Variants in POSTN observed in about 807,000 individuals in gnomAD.
POSTN encodes the protein periostin, also known as osteoblast specific factor 2 (fasciclin I-like).
A neutral mutation model predicts 104.5 loss-of-function variants in POSTN; 71 were observed. That is an observed-to-expected ratio of 0.68 (90% CI 0.56 to 0.83). The LOEUF (loss-of-function observed/expected upper bound fraction) is 0.83, where lower values mean the gene tolerates loss of function less well. Ranked by LOEUF, POSTN falls within the 40% of genes least tolerant of loss-of-function variation. The pLI is 0.00. For synonymous variants in POSTN, 355 were observed against 340.7 expected (o/e 1.04, Z -0.46); for missense variants, 949 against 1,006.8 (o/e 0.94, Z 0.78).
chr13:37,574,687 T>C, intron 16 of POSTN, 35 bp from the exon 17 acceptor site: 2 of 1,554,300 alleles, frequency 1.3e-6, no homozygotes, highest in Non-Finnish European at 8.6e-7. Flanking sequence ...GAAAAATATT[T>C]ACATAAAAAC....
rs1273903955 is a variant in POSTN, at chr13:37,587,973, C to T, written c.455G>A (p.Gly152Asp). ...WDNLDSDIRR[G>D]LESNVNVELL... ...TTCAACATTCACGTTGCTCTCCAAA[C>T]CTCTACGGATATCCTAGGAAAAATT... The change falls in exon 5 of 23, where the codon GGT becomes GAT. Residue 152 changes from glycine to aspartate, a missense_variant. By Grantham distance (94) the Gly-to-Asp change is moderately conservative (BLOSUM62 -1). Transcript: ENST00000379747. 1.4e-5 allele frequency: 23 copies of T among 1,595,844 alleles called. No individual in the cohort carries two copies. The highest frequency in any genetic ancestry group is 2.7e-5 in the African/African-American group (2 of 74,426).
At chr13:37,583,439 T>G (rs1950656988) in intron 9 of POSTN, among the ~76,000 whole-genome samples, 1 of 136,072 alleles carries the variant, frequency 7.3e-6, no homozygotes, top group South Asian at 2.5e-4. Context: ...TTTTTTTAAG[T>G]TTCGTTTTTT....
intron 21 of POSTN, chr13:37,565,274 T>A (rs1206621595): frequency 3.3e-5 from 5 of 152,030 alleles, no homozygotes; most frequent in Non-Finnish European, 7.4e-5. Flanking sequence ...ATTTTCCTGT[T>A]TTTCTTTTAG....
intron 21 of POSTN, 98 bp downstream of exon 21, chr13:37,569,202 A>T: frequency 1.3e-6 from 1 of 765,636 alleles, no homozygotes; most frequent in Non-Finnish European, 2.1e-6. Context: ...TTTTTTTTTA[A>T]CCCAATTAAA....
In POSTN at chr13:37,579,722, C is replaced by T. The variant is rs143665181; in HGVS notation, c.1660+139G>A. On this transcript the variant is annotated intron_variant, in intron 12 of 22. Coordinates refer to ENST00000379747, the MANE Select transcript of POSTN (RefSeq NM_006475.3). ...TGACCCTCCACACATCCCAAGTGGACGAAATAAAAGGAAACTAAAGCTAAC... is the reference window on the plus strand; with the variant it reads ...TGACCCTCCACACATCCCAAGTGGATGAAATAAAAGGAAACTAAAGCTAAC... The T allele has an allele frequency of 8.3e-4, 814 of 978,666 alleles. 6 individuals are homozygous for T. The African/African-American group carries it at 0.012, about 14-fold the overall frequency. 60.6% of individuals were successfully genotyped at this position (978,666 alleles called of 1,614,324 possible).
At chr13:37,567,662 C>A (rs374868022) in intron 21 of POSTN, among the ~76,000 whole-genome samples, 5 of 151,924 alleles carry the variant, frequency 3.3e-5, no homozygotes, top group African/African-American at 4.8e-5. Flanking sequence ...AAAACCGATG[C>A]CTTACAGATA....
In POSTN at chr13:37,592,104, TG is replaced by T; in HGVS notation, c.278del (p.Pro93GlnfsTer30). 6.2e-7 allele frequency: 1 copy of T among 1,604,864 alleles called. No individual in the cohort carries two copies. The highest frequency in any genetic ancestry group is 8.5e-7 in the Non-Finnish European group (1 of 1,171,740). On this transcript the variant is annotated frameshift_variant, in exon 3 of 23. Transcript: ENST00000379747. LOFTEE classifies it high-confidence loss of function. ...TTCAAAAAATTGAGATTTTACCTGC[TG>T]GGCAGCCTTTCATTCCTTCCATTCT... ...YMRMEGMKGC[P>X]AVLPIDHVYG...
Position 37,564,535 on chromosome 13 carries a change from G to A in POSTN, c.2457C>T (p.Ala819=). ...QGDTPVRKLQ[A]NKKVQGSRRR... ...TACACTTACCTTGAACTTTTTTGTT[G>A]GCTTGCAACTTCCTCACGGGTGTGT... Residue 819 remains alanine (A), a synonymous_variant, in exon 22 of 23, where the codon GCC becomes GCT. Coordinates refer to ENST00000379747, the MANE Select transcript of POSTN (RefSeq NM_006475.3). The A allele has an allele frequency of 6.3e-7, 1 of 1,599,886 alleles. No individual in the cohort carries two copies.
intron 17 of POSTN, among the ~76,000 whole-genome samples, chr13:37,571,837 A>G (rs540486610): frequency 2.9e-5 from 4 of 137,640 alleles, no homozygotes; most frequent in Non-Finnish European, 6.5e-5. Flanking sequence ...CCACTTTATC[A>G]TACTGATATT....
In POSTN at chr13:37,563,308, A is replaced by G; in HGVS notation, c.*25T>C. On this transcript the variant is annotated 3_prime_UTR_variant, in exon 23 of 23. Transcript: ENST00000379747. ...AGGTTATTGACTTAGGGTTGTATAA[A>G]CATTTTTTTCTGGTTTTTGGATTTT... 1 of 1,552,782 alleles carries G rather than the reference A, an allele frequency of 6.4e-7. No individual in the cohort carries two copies. Among genetic ancestry groups the G allele is most frequent in the African/African-American group, 1.4e-5 (1 of 73,534 alleles).
At position 37,578,025 on chromosome 13, in the gene POSTN, T is replaced by A. The variant is rs561497482; in HGVS notation, c.1963-227A>T. 2.8e-4 allele frequency among the ~76,000 whole-genome samples: 42 copies of A among 152,246 alleles called. No homozygotes were observed. In the East Asian group the frequency reaches 4.6e-3, roughly 17 times the overall value. On this transcript the variant is annotated intron_variant, in intron 15 of 22. Transcript: ENST00000379747. ...GATTTAAAAATTATATAATAATTAA[T>A]CCAAAGTTAAATATATTTATGAAAC...
intron 17 of POSTN, among the ~76,000 whole-genome samples, chr13:37,572,830 A>C (rs1304375168): frequency 6.6e-6 from 1 of 151,608 alleles, no homozygotes; most frequent in Non-Finnish European, 1.5e-5. Flanking sequence ...GTAATTGTTC[A>C]AATAGTAAGA....
Position 37,583,997 on chromosome 13 carries a change from CAA to C in POSTN, c.1213_1214del (p.Leu405AlafsTer6). The C allele has an allele frequency of 6.8e-6, 11 of 1,613,768 alleles. No homozygotes were observed. The highest frequency in any genetic ancestry group is 9.3e-6 in the Non-Finnish European group (11 of 1,179,854). ...SALRPDGEYT[L>X]LAPVNNAFSD... Reference sequence around the variant, plus strand: ...AAAATGCATTATTCACAGGTGCCAGCAAAGTGTATTCTCCATCTGGCCTCAGA... The same window carrying C: ...AAAATGCATTATTCACAGGTGCCAGCAGTGTATTCTCCATCTGGCCTCAGA... On this transcript the variant is annotated frameshift_variant, in exon 9 of 23. Transcript: ENST00000379747. LOFTEE classifies it high-confidence loss of function.
At chr13:37,592,267 G>C in intron 2 of POSTN, 103 bp from the exon 3 acceptor site, 1 of 762,284 alleles carries the variant, frequency 1.3e-6, no homozygotes, top group Non-Finnish European at 2.1e-6. Flanking sequence ...ATTTGTTGAG[G>C]TTCTAAAAAT....
Position 37,590,367 on chromosome 13 carries a change from A to G in POSTN, c.441+5T>C. ...ATAAATATATTGATAAAAATAATGA[A>G]TTACAGAATCCAAGTTGTCCCAAGC... is the stretch of plus-strand genomic sequence containing the variant. On this transcript the variant is annotated splice_donor_5th_base_variant and intron_variant, in intron 4 of 22. Transcript: ENST00000379747. The G allele has an allele frequency of 6.5e-7, 1 of 1,530,920 alleles. No individual in the cohort carries two copies. Among genetic ancestry groups the G allele is most frequent in the Non-Finnish European group, 8.8e-7 (1 of 1,137,358 alleles). 94.8% of individuals were successfully genotyped at this position (1,530,920 alleles called of 1,614,324 possible).
At chr13:37,589,792 G>A (rs1280581810) in intron 4 of POSTN, among the ~76,000 whole-genome samples, 1 of 152,058 alleles carries the variant, frequency 6.6e-6, no homozygotes, top group Non-Finnish European at 1.5e-5. Context: ...AAGTAGGAAT[G>A]TATTTTTATA....
chr13:37,570,764 C>T (rs41306668), intron 18 of POSTN, 95 bp from the exon 19 acceptor site: 84,463 of 766,366 alleles, frequency 0.11, 5,420 homozygotes, highest in Middle Eastern at 0.18. Context: ...TATATTTCTA[C>T]AAATATTACC....
In POSTN at chr13:37,578,992, C is replaced by T. The variant is rs764214817; in HGVS notation, c.1894+27G>A. The T allele has an allele frequency of 3.1e-6, 5 of 1,604,768 alleles. No individual in the cohort carries two copies. In the South Asian group the frequency reaches 4.5e-5, roughly 14 times the overall value. ...GGTTCATATTAAAAAAAGACTTAGC[C>T]TATCAATGAGTTCAATAATTACAAA... is the stretch of plus-strand genomic sequence containing the variant. On this transcript the variant is annotated intron_variant, in intron 14 of 22. Coordinates refer to ENST00000379747, the MANE Select transcript of POSTN (RefSeq NM_006475.3).
chr13:37,563,300 T>G lies in POSTN; in HGVS notation c.*33A>C, dbSNP rs749398904. On this transcript the variant is annotated 3_prime_UTR_variant, in exon 23 of 23. Transcript: ENST00000379747. ...CTAAGGTCAGGTTATTGACTTAGGG[T>G]TGTATAAACATTTTTTTCTGGTTTT... is the stretch of plus-strand genomic sequence containing the variant. The G allele has an allele frequency of 7.9e-6, 12 of 1,518,878 alleles. No homozygotes were observed. In the South Asian group the frequency reaches 1.4e-4, roughly 18 times the overall value. The allele number at this position is 1,518,878 out of a possible 1,614,324, so 94.1% of individuals were successfully genotyped here.
Sources: allele counts gnomAD v4.1 joint callset (sites outside exome capture counted in the v4.1 genomes callset), GRCh38; gene constraint gnomAD v4.1.1; transcripts MANE v1.5; gene names NCBI Gene and HGNC (gene_info 2026-07-23, HGNC 2026-07-21).